The following THSD7B variants were observed in gnomAD, a reference collection of about 807,000 sequenced individuals.
THSD7B encodes thrombospondin type-1 domain-containing protein 7B.
THSD7B carries 138 observed loss-of-function variants against 213.6 expected under a neutral mutation model. The ratio of observed to expected loss-of-function variants is 0.65; its 90% CI spans 0.56 to 0.74. The LOEUF is 0.74. Among genes scored for constraint, THSD7B ranks in the 30% least tolerant of loss-of-function variants. The probability of loss-of-function intolerance (pLI) is 0.00; values close to 1 mark genes in which losing one functional copy is unlikely to be tolerated. For synonymous variants in THSD7B, 742 were observed against 687.0 expected (o/e 1.08, Z -1.25); for missense variants, 1,931 against 1,991.5 (o/e 0.97, Z 0.58).
chr2:136,898,144 G>C (rs1300104387), intron 2 of THSD7B, among the ~76,000 whole-genome samples: 1 of 152,194 alleles, frequency 6.6e-6, no homozygotes, highest in Non-Finnish European at 1.5e-5. Context: ...AATCTAGCTG[G>C]CTTCACCTCT....
At chr2:137,458,750 T>C (rs951086476) in intron 15 of THSD7B, among the ~76,000 whole-genome samples, 1 of 152,188 alleles carries the variant, frequency 6.6e-6, no homozygotes, top group Non-Finnish European at 1.5e-5. Flanking sequence ...CCCTTTGGGC[T>C]TCATCTTCAA....
intron 2 of THSD7B, among the ~76,000 whole-genome samples, chr2:136,999,872 G>A (rs1049561354): frequency 1.3e-5 from 2 of 152,050 alleles, no homozygotes; most frequent in Non-Finnish European, 2.9e-5. Context: ...CTGTGCTAAC[G>A]TGTTCAATTT....
chr2:137,424,246 T>C (rs914724505), intron 14 of THSD7B, among the ~76,000 whole-genome samples: 2 of 152,138 alleles, frequency 1.3e-5, no homozygotes, highest in African/African-American at 4.8e-5. Context: ...AGACTTGGAC[T>C]AGGCAGAGAC....
intron 15 of THSD7B, among the ~76,000 whole-genome samples, chr2:137,544,675 A>G (rs189656065): frequency 9.2e-5 from 14 of 151,936 alleles, no homozygotes; most frequent in Admixed American, 2.0e-4. Context: ...TATAATATTC[A>G]TACTCTCTTT....
intron 12 of THSD7B, among the ~76,000 whole-genome samples, chr2:137,299,006 G>T (rs561637383): frequency 5.9e-5 from 9 of 152,200 alleles, no homozygotes; most frequent in Admixed American, 5.9e-4. Flanking sequence ...CCCCAGAATG[G>T]TACATCTACC....
In THSD7B at chr2:137,589,758, C is replaced by T. The variant is rs929306812; in HGVS notation, c.3423+17202C>T. ...ATGCAAGCGTGTAGAATACTTTTTC[C>T]TATCAGAACTTATTTAGTTGGGAAG... On this transcript the variant is annotated intron_variant, in intron 17 of 27. Transcript: ENST00000409968. Among the ~76,000 whole-genome samples, 3 of 152,092 alleles carry T rather than the reference C, an allele frequency of 2.0e-5. No homozygotes were observed. In the South Asian group the frequency reaches 6.2e-4, roughly 32 times the overall value.
chr2:137,295,867 A>G (rs1344176423), intron 12 of THSD7B, among the ~76,000 whole-genome samples: 1 of 152,066 alleles, frequency 6.6e-6, no homozygotes, highest in Non-Finnish European at 1.5e-5. Flanking sequence ...CATATCTGGG[A>G]CCTCAAAACA....
intron 2 of THSD7B, among the ~76,000 whole-genome samples, chr2:137,031,136 G>C (rs1351930612): frequency 6.6e-6 from 1 of 152,104 alleles, no homozygotes; most frequent in Non-Finnish European, 1.5e-5. Context: ...TTAAGATCAG[G>C]AGTTCGAGAC....
intron 2 of THSD7B, among the ~76,000 whole-genome samples, chr2:137,019,550 A>T (rs1441340591): frequency 2.8e-4 from 43 of 152,334 alleles, no homozygotes; most frequent in East Asian, 1.9e-4. Flanking sequence ...TCTGTCTAGA[A>T]TATGTCATCT....
intron 12 of THSD7B, among the ~76,000 whole-genome samples, chr2:137,402,264 A>G (rs913309397): frequency 6.6e-6 from 1 of 152,120 alleles, no homozygotes; most frequent in African/African-American, 2.4e-5. Context: ...TGAAATTTTC[A>G]ATTACTACCG....
At chr2:137,079,989 A>C (rs1049998969) in intron 3 of THSD7B, among the ~76,000 whole-genome samples, 2 of 151,640 alleles carry the variant, frequency 1.3e-5, no homozygotes, top group Non-Finnish European at 2.9e-5. Context: ...ACAGGCACGC[A>C]CCACCACTCT....
At chr2:137,469,795 G>A (rs1327296677) in intron 15 of THSD7B, among the ~76,000 whole-genome samples, 1 of 152,180 alleles carries the variant, frequency 6.6e-6, no homozygotes, top group African/African-American at 2.4e-5. Context: ...AAGAGCACCG[G>A]TTGTTTCTCT....
chr2:136,810,470 C>A (rs1205061288), intron 1 of THSD7B, among the ~76,000 whole-genome samples: 1 of 152,210 alleles, frequency 6.6e-6, no homozygotes, highest in East Asian at 1.9e-4. Context: ...TCCCTCTCCC[C>A]ACTGCAGTCT....
At chr2:137,621,186 G>T (rs922926501) in intron 20 of THSD7B, among the ~76,000 whole-genome samples, 3 of 152,160 alleles carry the variant, frequency 2.0e-5, no homozygotes, top group Admixed American at 1.3e-4. Context: ...CAGAGGTTCT[G>T]CCACTTTAAC....
intron 17 of THSD7B, among the ~76,000 whole-genome samples, chr2:137,597,691 T>C (rs113374970): frequency 6.6e-6 from 1 of 152,090 alleles, no homozygotes; most frequent in Middle Eastern, 3.2e-3. Context: ...TTCAGACACA[T>C]ATTATAATTC....
At chr2:137,355,317 T>C (rs768673116) in intron 12 of THSD7B, among the ~76,000 whole-genome samples, 4 of 152,148 alleles carry the variant, frequency 2.6e-5, no homozygotes, top group Non-Finnish European at 4.4e-5. Flanking sequence ...AAATGGCCCA[T>C]TGAAACTTGT....
chr2:137,108,148 T>C (rs1044723988), intron 4 of THSD7B, among the ~76,000 whole-genome samples: 5 of 152,222 alleles, frequency 3.3e-5, no homozygotes, highest in Non-Finnish European at 7.3e-5. Context: ...CATTAACTAA[T>C]GCAATTATTC....
At chr2:137,562,042 T>A (rs2105222252) in intron 15 of THSD7B, among the ~76,000 whole-genome samples, 1 of 152,340 alleles carries the variant, frequency 6.6e-6, no homozygotes, top group African/African-American at 2.4e-5. Context: ...TTTTCTCATT[T>A]GATTTTTACC....
At chr2:137,216,750 G>C (rs1459861836) in intron 7 of THSD7B, among the ~76,000 whole-genome samples, 1 of 152,174 alleles carries the variant, frequency 6.6e-6, no homozygotes, top group East Asian at 1.9e-4. Context: ...GGTTTCCTGA[G>C]TTTGGGCTGA....
Sources: allele counts gnomAD v4.1 joint callset (sites outside exome capture counted in the v4.1 genomes callset), GRCh38; gene constraint gnomAD v4.1.1; transcripts MANE v1.5; gene names NCBI Gene and HGNC (gene_info 2026-07-23, HGNC 2026-07-21).